KDM2B: variants seen among roughly 807,000 people sequenced by gnomAD.
The protein encoded by KDM2B is lysine-specific demethylase 2B.
KDM2B carries 26 observed loss-of-function variants against 150.0 expected under a neutral mutation model. The observed-to-expected ratio is 0.17, with a 90% CI of 0.13 to 0.24. The LOEUF (loss-of-function observed/expected upper bound fraction) is 0.24. Among genes scored for constraint, KDM2B ranks in the 10% least tolerant of loss-of-function variants. The pLI is 1.00. For synonymous variants in KDM2B, 734 were observed against 729.5 expected, an observed-to-expected ratio of 1.01 and a Z score of -0.10; for missense variants, 1,265 against 1,816.9, an observed-to-expected ratio of 0.70 and a Z score of 5.52.
At position 121,430,234 on chromosome 12, in the gene KDM2B, G is replaced by A; in HGVS notation, c.*54C>T. The A allele has an allele frequency of 6.2e-7, 1 of 1,614,074 alleles. No individual in the cohort carries two copies. On this transcript the variant is annotated 3_prime_UTR_variant, in exon 23 of 23. Transcript: ENST00000377071. The surrounding 1 kb of genome is among the most constrained non-coding windows in gnomAD (Gnocchi z 4.4). ...ATGGAAAATAAAAGCCCTCATTTTT[G>A]TAAAGTCTCTCCCCTCCCAGAGCCC... is the stretch of plus-strand genomic sequence containing the variant.
intron 4 of KDM2B, among the ~76,000 whole-genome samples, chr12:121,566,942 C>T (rs888569618): frequency 1.3e-5 from 2 of 151,790 alleles, no homozygotes; most frequent in Non-Finnish European, 2.9e-5. Context: ...AGGGCAGTGG[C>T]GCAATCTCAG....
intron 8 of KDM2B, among the ~76,000 whole-genome samples, chr12:121,528,457 G>T (rs781991956): frequency 1.3e-5 from 2 of 152,132 alleles, no homozygotes; most frequent in African/African-American, 4.8e-5. Flanking sequence ...TACTCAGGAG[G>T]CTGAGGCATG....
the KDM2B span, among the ~76,000 whole-genome samples, chr12:121,408,501 G>C: frequency 6.6e-6 from 1 of 152,060 alleles, no homozygotes; most frequent in African/African-American, 2.4e-5. Flanking sequence ...AGATTTAAGA[G>C]GGGAAAGATC....
In KDM2B at chr12:121,445,369, T is replaced by C; in HGVS notation, c.2009A>G (p.Lys670Arg). Residue 670 changes from lysine (K) to arginine (R), a missense_variant, in exon 14 of 23, where the codon AAG becomes AGG. By Grantham distance (26) the Lys-to-Arg change is conservative. This residue lies in a region of KDM2B where 30 missense variants were observed against 32.0 expected (regional missense o/e 0.94). Coordinates refer to ENST00000377071, the MANE Select transcript of KDM2B (RefSeq NM_032590.5). Reference protein sequence around the residue: ...AVCLVCGEAGKEDTVEEEEGK... With the variant: ...AVCLVCGEAGREDTVEEEEGK... ...TTCCTCCTCTTCCACCGTGTCTTCC[T>C]TCCCCGCCTCGCCACACACAAGGCA... 6.2e-7 allele frequency: 1 copy of C among 1,606,504 alleles called. No individual in the cohort carries two copies. The highest frequency in any genetic ancestry group is 8.5e-7 in the Non-Finnish European group (1 of 1,174,346).
intron 22 of KDM2B, chr12:121,433,172 C>G (rs1388109937): frequency 2.2e-6 from 1 of 456,608 alleles, no homozygotes; most frequent in African/African-American, 2.0e-5. Context: ...ACATATTCCC[C>G]AAAACTGGAG....
At chr12:121,547,500 T>C (rs1555310893) in intron 6 of KDM2B, among the ~76,000 whole-genome samples, 1 of 152,138 alleles carries the variant, frequency 6.6e-6, no homozygotes, top group African/African-American at 2.4e-5. Flanking sequence ...GAATGAAAAG[T>C]TCACAGCCTT....
At chr12:121,523,469 C>G (rs1322717183) in intron 8 of KDM2B, among the ~76,000 whole-genome samples, 1 of 152,204 alleles carries the variant, frequency 6.6e-6, no homozygotes, top group Non-Finnish European at 1.5e-5. Context: ...GCACTTTATT[C>G]TTTTGCTCTG....
intron 10 of KDM2B, among the ~76,000 whole-genome samples, chr12:121,511,199 A>G (rs991291948): frequency 3.9e-4 from 59 of 150,456 alleles, no homozygotes; most frequent in African/African-American, 1.3e-3. Flanking sequence ...TAGTAGAGAC[A>G]GGGTTTTACC....
the KDM2B span, among the ~76,000 whole-genome samples, chr12:121,418,942 G>C: frequency 6.6e-6 from 1 of 152,140 alleles, no homozygotes; most frequent in African/African-American, 2.4e-5. Context: ...CCTGACCTCA[G>C]GTTATCTACC....
intron 12 of KDM2B, among the ~76,000 whole-genome samples, chr12:121,471,590 C>T (rs1215087943): frequency 1.3e-5 from 2 of 152,058 alleles, no homozygotes; most frequent in African/African-American, 4.8e-5. Flanking sequence ...CTCTCCATGC[C>T]CACTTCTAGG....
Position 121,533,027 on chromosome 12 carries a change from C to A in KDM2B, c.778-68G>T, listed in dbSNP as rs1227522644. On this transcript the variant is annotated intron_variant, in intron 7 of 22. Coordinates refer to ENST00000377071, the MANE Select transcript of KDM2B (RefSeq NM_032590.5). This position sits in a 1 kb window ranked among gnomAD's most constrained non-coding sequence, Gnocchi z 4.1. ...GACAAGACCCAGAGAGAGGGCCCCACCTGCCTGGCGGAAGGGGAGGGGGCG... is the reference window on the plus strand; with the variant it reads ...GACAAGACCCAGAGAGAGGGCCCCAACTGCCTGGCGGAAGGGGAGGGGGCG... The A allele has an allele frequency of 9.7e-6, 15 of 1,553,826 alleles. No individual in the cohort carries two copies. The highest frequency in any genetic ancestry group is 1.7e-5 in the Admixed American group (1 of 58,254).
At chr12:121,418,539 T>C in the KDM2B span, 1 of 152,406 alleles carries the variant, frequency 6.6e-6, no homozygotes, top group Non-Finnish European at 1.5e-5. Context: ...CTTAATTTTC[T>C]TCTCTGAAGA....
At chr12:121,577,506 C>T (rs1332555465) in intron 2 of KDM2B, among the ~76,000 whole-genome samples, 1 of 152,122 alleles carries the variant, frequency 6.6e-6, no homozygotes, top group Non-Finnish European at 1.5e-5. Flanking sequence ...ACAAACACCC[C>T]TCACCACCGG....
At chr12:121,561,750 C>T (rs1278080365) in intron 4 of KDM2B, among the ~76,000 whole-genome samples, 1 of 152,196 alleles carries the variant, frequency 6.6e-6, no homozygotes, top group Non-Finnish European at 1.5e-5. Context: ...GTGCCAAGCA[C>T]TATCTGAGCA....
At chr12:121,546,528 G>A (rs1485989101) in intron 6 of KDM2B, among the ~76,000 whole-genome samples, 5 of 149,528 alleles carry the variant, frequency 3.3e-5, no homozygotes, top group South Asian at 2.1e-4. Flanking sequence ...GACTACAGGC[G>A]CCCGCCACCA....
intron 12 of KDM2B, among the ~76,000 whole-genome samples, chr12:121,464,692 G>A (rs1011604418): frequency 2.0e-5 from 3 of 152,226 alleles, no homozygotes; most frequent in Non-Finnish European, 4.4e-5. Context: ...TCATCCAGCA[G>A]GTGGGCAAGT....
intron 10 of KDM2B, among the ~76,000 whole-genome samples, chr12:121,510,251 G>A (rs1187125069): frequency 1.3e-5 from 2 of 152,150 alleles, no homozygotes; most frequent in African/African-American, 4.8e-5. Flanking sequence ...CACCCACATG[G>A]GTTGCCCCGC....
At chr12:121,527,649 G>C (rs1229065111) in intron 8 of KDM2B, among the ~76,000 whole-genome samples, 2 of 91,292 alleles carry the variant, frequency 2.2e-5, no homozygotes, top group Non-Finnish European at 2.0e-5. Context: ...GGGAGACTCC[G>C]TCTCAAAAAA....
intron 8 of KDM2B, chr12:121,524,741 G>C (rs1555306526): frequency 4.5e-6 from 2 of 444,216 alleles, no homozygotes; most frequent in East Asian, 1.4e-4. Flanking sequence ...GCTGCTGCCT[G>C]GGCTGGGAAC....
Sources: allele counts gnomAD v4.1 joint callset (sites outside exome capture counted in the v4.1 genomes callset), GRCh38; gene constraint gnomAD v4.1.1; regional missense constraint gnomAD v4.1.1; non-coding constraint Gnocchi (gnomAD v3.1); transcripts MANE v1.5; gene names NCBI Gene and HGNC (gene_info 2026-07-23, HGNC 2026-07-21).